The following ENPP1 variants were observed in gnomAD, a reference collection of about 807,000 sequenced individuals.
ENPP1 encodes ectonucleotide pyrophosphatase/phosphodiesterase 1, also known as ectonucleotide pyrophosphatase/phosphodiesterase family member 1.
In ENPP1, 73 loss-of-function variants were observed where a neutral mutation model predicts 122.8. The observed-to-expected ratio is 0.59, with a 90% CI of 0.49 to 0.72. The LOEUF (loss-of-function observed/expected upper bound fraction) is 0.72, where lower values mean the gene tolerates loss of function less well. Among genes scored for constraint, ENPP1 ranks in the 30% least tolerant of loss-of-function variants. ENPP1 has a pLI of 0.00. For synonymous variants in ENPP1, 367 were observed against 391.6 expected (o/e 0.94, Z 0.74); for missense variants, 978 against 1,128.1 (o/e 0.87, Z 1.91).
At chr6:131,816,017 G>A (rs1157626756) in intron 1 of ENPP1, among the ~76,000 whole-genome samples, 1 of 148,810 alleles carries the variant, frequency 6.7e-6, no homozygotes, top group Non-Finnish European at 1.5e-5. Context: ...CACCACGCCC[G>A]GCTGTATCAG....
At position 131,890,510 on chromosome 6, in the gene ENPP1, G is replaced by A; in HGVS notation, c.2777G>A (p.Ter926=). The change falls in exon 25 of 25, where the codon TGA becomes TAA. Residue 926 remains the stop codon, a stop_retained_variant. Coordinates refer to ENST00000647893, the MANE Select transcript of ENPP1 (RefSeq NM_006208.3). ...THLPTFSQED[*] ...TTGCCAACCTTTAGCCAAGAAGACT[G>A]ATATGTTTTTTATCCCCAAACACCA... 4 of 1,612,478 alleles carry A rather than the reference G, an allele frequency of 2.5e-6. No individual in the cohort carries two copies. Among genetic ancestry groups the A allele is most frequent in the Non-Finnish European group, 2.5e-6 (3 of 1,178,526 alleles).
At chr6:131,874,926 T>C (rs945282463) in intron 16 of ENPP1, among the ~76,000 whole-genome samples, 1 of 152,078 alleles carries the variant, frequency 6.6e-6, no homozygotes, top group Non-Finnish European at 1.5e-5. Context: ...ATGGATGGAA[T>C]TGGGGGCCAT....
intron 19 of ENPP1, among the ~76,000 whole-genome samples, chr6:131,879,113 AT>A (rs936602994): frequency 2.0e-5 from 3 of 151,954 alleles, no homozygotes; most frequent in Non-Finnish European, 2.9e-5. Flanking sequence ...CTTGGCACAC[AT>A]TTTTTTTCTA....
At chr6:131,830,848 C>G (rs896823403) in intron 1 of ENPP1, among the ~76,000 whole-genome samples, 1 of 151,832 alleles carries the variant, frequency 6.6e-6, no homozygotes, top group Non-Finnish European at 1.5e-5. Context: ...GGGTGGCTCA[C>G]GCCTGTAATC....
chr6:131,808,071 C>T lies in ENPP1; in HGVS notation c.36C>T (p.Arg12=). 1.0e-6 allele frequency: 1 copy of T among 1,000,428 alleles called. No individual in the cohort carries two copies. Among genetic ancestry groups the T allele is most frequent in the Non-Finnish European group, 1.2e-6 (1 of 844,052 alleles). The allele number at this position is 1,000,428 out of a possible 1,614,324, so 62.0% of individuals were successfully genotyped here. A position where few individuals can be genotyped will look rare whatever the true frequency, so the allele number is the denominator to read the frequency against. ...ERDGCAGGGS[R]GGEGGRAPRE... The stretch of plus-strand genomic sequence containing the variant: ...ACGGCTGCGCGGGGGGCGGGAGCCG[C>T]GGCGGCGAGGGCGGGCGCGCTCCCC... Residue 12 remains arginine (R), a synonymous_variant, in exon 1 of 25, where the codon CGC becomes CGT. Coordinates refer to ENST00000647893, the MANE Select transcript of ENPP1 (RefSeq NM_006208.3).
At chr6:131,815,839 G>A (rs1781406265) in intron 1 of ENPP1, among the ~76,000 whole-genome samples, 1 of 151,222 alleles carries the variant, frequency 6.6e-6, no homozygotes, top group Admixed American at 6.6e-5. Context: ...TGAGTAGCTG[G>A]GATTACAGGC....
chr6:131,841,826 T>A (rs1273813263), intron 1 of ENPP1, among the ~76,000 whole-genome samples: 1 of 152,168 alleles, frequency 6.6e-6, no homozygotes, highest in Non-Finnish European at 1.5e-5. Flanking sequence ...TAGCATCTCC[T>A]CGGTGAGGAG....
intron 2 of ENPP1, among the ~76,000 whole-genome samples, chr6:131,848,850 A>G (rs867333100): frequency 1.2e-4 from 18 of 152,304 alleles, no homozygotes; most frequent in Middle Eastern, 3.4e-3. Flanking sequence ...CAGGTCAGGA[A>G]AGTTCGTATT....
intron 1 of ENPP1, among the ~76,000 whole-genome samples, chr6:131,818,579 C>T (rs1296512152): frequency 6.6e-6 from 1 of 150,930 alleles, no homozygotes; most frequent in African/African-American, 2.4e-5. Context: ...ACCCAGGAGG[C>T]GGAGGTTGCA....
chr6:131,824,836 A>G (rs950395725), intron 1 of ENPP1, among the ~76,000 whole-genome samples: 4 of 152,104 alleles, frequency 2.6e-5, no homozygotes, highest in Non-Finnish European at 5.9e-5. Context: ...TGAGGCCGGC[A>G]GATCACTTGA....
chr6:131,864,121 T>C (rs1284890734), intron 9 of ENPP1, among the ~76,000 whole-genome samples: 1 of 152,172 alleles, frequency 6.6e-6, no homozygotes, highest in Admixed American at 6.5e-5. Flanking sequence ...CGTAGAGAAC[T>C]GCTGTCTGCT....
rs753484223 is a variant in ENPP1, at chr6:131,882,380, G to A, written c.2136G>A (p.Leu712=). The A allele has an allele frequency of 8.1e-6, 13 of 1,605,514 alleles. No homozygotes were observed. In the Admixed American group the frequency reaches 2.2e-4, roughly 27 times the overall value. Residue 712 remains leucine, a synonymous_variant, in exon 21 of 25, where the codon CTG becomes CTA. Coordinates refer to ENST00000647893, the MANE Select transcript of ENPP1 (RefSeq NM_006208.3). ...CTACGGAAGACTTCTCCAACTGTCT[G>A]TACCAGGACTTTAGAATTCCTCTTA... is the stretch of plus-strand genomic sequence containing the variant. ...SFSTEDFSNC[L]YQDFRIPLSP... is the part of the protein sequence containing the mutation.
intron 1 of ENPP1, among the ~76,000 whole-genome samples, chr6:131,818,887 C>T: frequency 6.6e-6 from 1 of 152,058 alleles, no homozygotes. Flanking sequence ...TTTATTTAGA[C>T]TTATTTATTT....
At chr6:131,839,755 T>G (rs920973342) in intron 1 of ENPP1, among the ~76,000 whole-genome samples, 2 of 152,208 alleles carry the variant, frequency 1.3e-5, no homozygotes, top group South Asian at 4.1e-4. Context: ...TACCCAATAA[T>G]GTGTCATTTT....
At chr6:131,810,455 C>A (rs1339215408) in intron 1 of ENPP1, among the ~76,000 whole-genome samples, 1 of 145,976 alleles carries the variant, frequency 6.9e-6, no homozygotes, top group African/African-American at 2.5e-5. Flanking sequence ...CCCGCCCCCC[C>A]CCCAAAAACT....
intron 1 of ENPP1, chr6:131,827,808 C>CT: frequency 1.9e-6 from 2 of 1,061,638 alleles, no homozygotes; most frequent in Non-Finnish European, 2.9e-6. Flanking sequence ...GCAATGACTG[C>CT]TTTCTGGAAT....
chr6:131,877,209 C>T lies in ENPP1; in HGVS notation c.1893+48C>T, dbSNP rs757218778. ...GTCCAGTATGTATGGTTTGATAGCA[C>T]CCTCTGCATAGCATGTGCTGTAAAA... On this transcript the variant is annotated intron_variant, in intron 18 of 24. Coordinates refer to ENST00000647893, the MANE Select transcript of ENPP1 (RefSeq NM_006208.3). 4 of 1,544,730 alleles carry T rather than the reference C, an allele frequency of 2.6e-6. No homozygotes were observed. In the South Asian group the frequency reaches 3.4e-5, roughly 13 times the overall value.
chr6:131,814,107 A>G (rs181153997), intron 1 of ENPP1, among the ~76,000 whole-genome samples: 4 of 151,920 alleles, frequency 2.6e-5, no homozygotes, highest in African/African-American at 7.2e-5. Flanking sequence ...GGTTTGCACA[A>G]TGGAAATGCC....
chr6:131,872,176 T>C lies in ENPP1; in HGVS notation c.1437+75T>C, dbSNP rs1015714632. ...ATATATTGAGAGAAAAGTTTCAGCA[T>C]CTATTATTGGGATTGAAGGATTAGA... On this transcript the variant is annotated intron_variant, in intron 14 of 24. Transcript: ENST00000647893. 4 of 1,003,946 alleles carry C rather than the reference T, an allele frequency of 4.0e-6. No homozygotes were observed. In the Admixed American group the frequency reaches 6.9e-5, roughly 17 times the overall value. 62.2% of individuals were successfully genotyped at this position (1,003,946 alleles called of 1,614,324 possible). A position where few individuals can be genotyped will look rare whatever the true frequency, so the allele number is the denominator to read the frequency against.
Sources: gnomAD v4.1 joint callset for allele counts (sites outside exome capture counted in the v4.1 genomes callset) on GRCh38, gnomAD v4.1.1 for gene constraint, MANE v1.5 for transcripts, NCBI Gene and HGNC (gene_info 2026-07-23, HGNC 2026-07-21) for gene names.